The following ZFAT variants were observed in gnomAD, a reference collection of about 807,000 sequenced individuals.
ZFAT encodes zinc finger and AT-hook domain containing.
ZFAT carries 64 observed loss-of-function variants against 117.7 expected under a neutral mutation model. The observed-to-expected ratio is 0.54, with a 90% CI of 0.44 to 0.67. ZFAT has a LOEUF of 0.67. ZFAT is among the 30% of genes least tolerant of loss of function. ZFAT has a pLI of 0.00. For synonymous variants in ZFAT, 679 were observed against 615.0 expected (o/e 1.10, Z -1.54); for missense variants, 1,433 against 1,584.5 (o/e 0.90, Z 1.62).
intron 11 of ZFAT, among the ~76,000 whole-genome samples, chr8:134,543,399 C>T (rs1822432500): frequency 6.6e-6 from 1 of 152,276 alleles, no homozygotes; most frequent in Non-Finnish European, 1.5e-5. Flanking sequence ...GAGCTTGCTC[C>T]AAACCATCTC....
chr8:134,542,818 A>ACCTCTCC lies in ZFAT; in HGVS notation c.2977-9847_2977-9846insGGAGAGG, dbSNP rs555983286. Among the ~76,000 whole-genome samples, 91 of 152,204 alleles carry ACCTCTCC rather than the reference A, an allele frequency of 6.0e-4. 2 individuals are homozygous for ACCTCTCC. The East Asian group carries it at 0.014, about 24-fold the overall frequency. ...ACCAAGCCCCAAATAACCTCCTCACACCTCTCTGTGACACTCAGCCAGATA... is the reference window on the plus strand; with the variant it reads ...ACCAAGCCCCAAATAACCTCCTCACACCTCTCCCCTCTCTGTGACACTCAGCCAGATA... On this transcript the variant is annotated intron_variant, in intron 11 of 15. Coordinates refer to ENST00000377838, the MANE Select transcript of ZFAT (RefSeq NM_020863.4).
intron 2 of ZFAT, among the ~76,000 whole-genome samples, chr8:134,642,535 A>G (rs1195759590): frequency 6.6e-6 from 1 of 152,192 alleles, no homozygotes; most frequent in Non-Finnish European, 1.5e-5. Context: ...TTAAGAAACT[A>G]TTATCCTCCC....
chr8:134,778,879 T>C, the ZFAT span, among the ~76,000 whole-genome samples: 3 of 152,200 alleles, frequency 2.0e-5, no homozygotes, highest in African/African-American at 7.2e-5. Flanking sequence ...GGAGAGTCTG[T>C]TCAGGCTAGT....
the ZFAT span, among the ~76,000 whole-genome samples, chr8:134,807,904 T>C: frequency 6.6e-6 from 1 of 152,072 alleles, no homozygotes; most frequent in African/African-American, 2.4e-5. Context: ...AATAGAAGGG[T>C]GTTTAGGACA....
At chr8:134,514,717 A>C (rs924969683) in intron 13 of ZFAT, among the ~76,000 whole-genome samples, 1 of 152,246 alleles carries the variant, frequency 6.6e-6, no homozygotes, top group Admixed American at 6.5e-5. Flanking sequence ...AATGTTTATA[A>C]AAAAATTTTC....
intron 11 of ZFAT, among the ~76,000 whole-genome samples, chr8:134,553,504 G>GTGA (rs1331797749): frequency 6.6e-6 from 1 of 152,170 alleles, no homozygotes; most frequent in Non-Finnish European, 1.5e-5. Context: ...CTCTGTCTCA[G>GTGA]TGACATATTT....
chr8:134,738,873 G>A, the ZFAT span, among the ~76,000 whole-genome samples: 132,652 of 152,270 alleles, frequency 0.87, 58,038 homozygotes, highest in Non-Finnish European at 0.89. Context: ...GCAGAGAACA[G>A]TGGGGAGAAG....
chr8:134,705,963 T>G (rs1303968015), intron 1 of ZFAT, among the ~76,000 whole-genome samples: 2 of 152,102 alleles, frequency 1.3e-5, no homozygotes, highest in Non-Finnish European at 2.9e-5. Flanking sequence ...TTAAGGGAGA[T>G]ACCACTGCAT....
chr8:134,815,059 T>G, the ZFAT span, among the ~76,000 whole-genome samples: 2 of 152,236 alleles, frequency 1.3e-5, no homozygotes, highest in African/African-American at 4.8e-5. Flanking sequence ...TCCATTCAGC[T>G]AAATAATTTC....
In ZFAT at chr8:134,583,933, T is replaced by A. The variant is rs771990610; in HGVS notation, c.2786A>T (p.Asn929Ile). ...GTGGGTTTTCTCAGTGCTGTGACGA[T>A]TCATATGAGCCTTGAGGTTACTCTT... is the stretch of plus-strand genomic sequence containing the variant. Reference protein sequence around the residue: ...RSKSNLKAHMNRHSTEKTHLC... With the variant: ...RSKSNLKAHMIRHSTEKTHLC... Residue 929 changes from asparagine (N) to isoleucine (I), a missense_variant, in exon 10 of 16, where the codon AAT becomes ATT. By Grantham distance (149) the Asn-to-Ile change is moderately radical (BLOSUM62 -3). This residue lies in a region of ZFAT where 503 missense variants were observed against 543.4 expected (regional missense o/e 0.93). Coordinates refer to ENST00000377838, the MANE Select transcript of ZFAT (RefSeq NM_020863.4). 7 of 1,597,046 alleles carry A rather than the reference T, an allele frequency of 4.4e-6. No homozygotes were observed. Among genetic ancestry groups the A allele is most frequent in the Non-Finnish European group, 6.0e-6 (7 of 1,170,854 alleles).
the ZFAT span, among the ~76,000 whole-genome samples, chr8:134,728,573 C>T: frequency 3.9e-5 from 6 of 152,288 alleles, 1 homozygote; most frequent in East Asian, 1.2e-3. Context: ...ATGCTGGGCT[C>T]AGCGGGCTCC....
In ZFAT at chr8:134,512,619, AC is replaced by A. The variant is rs1819943597; in HGVS notation, c.3235-19del. 2 of 1,607,610 alleles carry A rather than the reference AC, an allele frequency of 1.2e-6. No individual in the cohort carries two copies. The highest frequency in any genetic ancestry group is 1.7e-5 in the Admixed American group (1 of 58,670). On this transcript the variant is annotated intron_variant, in intron 13 of 15. Transcript: ENST00000377838. ...GTTGCTGTCTAAATAAAAACATAGTACCTAAGTCATCTCCTAAAAGATTGAC... is the reference window on the plus strand; with the variant it reads ...GTTGCTGTCTAAATAAAAACATAGTACTAAGTCATCTCCTAAAAGATTGAC...
At chr8:134,726,971 A>T in the ZFAT span, among the ~76,000 whole-genome samples, 3 of 151,956 alleles carry the variant, frequency 2.0e-5, no homozygotes, top group African/African-American at 7.3e-5. Flanking sequence ...TATTTTAGAG[A>T]GACAGTTTAG....
intron 1 of ZFAT, among the ~76,000 whole-genome samples, chr8:134,683,393 TG>T (rs1292939303): frequency 6.6e-6 from 1 of 152,216 alleles, no homozygotes; most frequent in Non-Finnish European, 1.5e-5. Flanking sequence ...GAAAGCAGGT[TG>T]TATGTGTGCG....
At chr8:134,610,763 G>A in intron 3 of ZFAT, 108 bp from the exon 4 acceptor site, 2 of 1,323,854 alleles carry the variant, frequency 1.5e-6, no homozygotes, top group East Asian at 2.3e-5. Flanking sequence ...CAGCTCTTTG[G>A]TCTGCAGTGC....
chr8:134,490,248 C>A (rs1216252941), intron 15 of ZFAT, among the ~76,000 whole-genome samples: 4 of 152,126 alleles, frequency 2.6e-5, no homozygotes, highest in Non-Finnish European at 4.4e-5. Context: ...TGAGGTGACA[C>A]CAAGATCAAG....
the ZFAT span, among the ~76,000 whole-genome samples, chr8:134,789,779 A>G: frequency 6.6e-6 from 1 of 152,212 alleles, no homozygotes; most frequent in African/African-American, 2.4e-5. Context: ...CTTTTTCTGG[A>G]AGCAAGTATC....
chr8:134,517,765 T>C (rs1364433541), intron 13 of ZFAT, among the ~76,000 whole-genome samples: 2 of 152,196 alleles, frequency 1.3e-5, no homozygotes, highest in East Asian at 3.8e-4. Flanking sequence ...CTTGACGCTT[T>C]TGAGGAGTAC....
chr8:134,559,138 C>T (rs567732481), intron 11 of ZFAT, among the ~76,000 whole-genome samples: 1 of 152,160 alleles, frequency 6.6e-6, no homozygotes, highest in African/African-American at 2.4e-5. Context: ...ATAGGTAAAG[C>T]AATTAATTGA....
Sources: gnomAD v4.1 joint callset for allele counts (sites outside exome capture counted in the v4.1 genomes callset) on GRCh38, gnomAD v4.1.1 for gene constraint, gnomAD v4.1.1 regional missense constraint, MANE v1.5 for transcripts, NCBI Gene and HGNC (gene_info 2026-07-23, HGNC 2026-07-21) for gene names.